TENT5C: variants seen among roughly 807,000 people sequenced by gnomAD.
TENT5C encodes the protein family with sequence similarity 46 member C.
TENT5C carries 5 observed loss-of-function variants against 22.2 expected under a neutral mutation model. The observed-to-expected ratio is 0.22, with a 90% CI of 0.12 to 0.47. The LOEUF is 0.47. Among genes scored for constraint, TENT5C ranks in the 20% least tolerant of loss-of-function variants. The pLI is 0.99. For synonymous variants in TENT5C, 199 were observed against 195.4 expected (o/e 1.02, Z -0.15); for missense variants, 364 against 500.9 (o/e 0.73, Z 2.61).
intron 1 of TENT5C, among the ~76,000 whole-genome samples, chr1:117,621,047 C>G (rs1416723056): frequency 6.6e-6 from 1 of 152,160 alleles, no homozygotes; most frequent in Non-Finnish European, 1.5e-5. Flanking sequence ...AACCAAATGC[C>G]AGTCACAGTA....
At chr1:117,606,749 C>G (rs1428560218) in intron 1 of TENT5C, among the ~76,000 whole-genome samples, 3 of 152,188 alleles carry the variant, frequency 2.0e-5, no homozygotes, top group Non-Finnish European at 4.4e-5. Context: ...TTCCTAGGCT[C>G]ATTGCCAAGT....
At chr1:117,606,809 A>G (rs1324857575) in intron 1 of TENT5C, among the ~76,000 whole-genome samples, 1 of 152,196 alleles carries the variant, frequency 6.6e-6, no homozygotes, top group African/African-American at 2.4e-5. Context: ...ATGCGCTCAC[A>G]TCAGACTGTG....
intron 1 of TENT5C, among the ~76,000 whole-genome samples, chr1:117,618,189 G>A (rs1469306980): frequency 1.3e-5 from 2 of 152,166 alleles, no homozygotes; most frequent in Admixed American, 6.5e-5. Context: ...CATGGAAGAT[G>A]CTAACCACAG....
chr1:117,613,651 T>G (rs570711773), intron 1 of TENT5C, among the ~76,000 whole-genome samples: 13 of 152,320 alleles, frequency 8.5e-5, no homozygotes, highest in Non-Finnish European at 1.5e-4. Flanking sequence ...TGGGTTTCAG[T>G]CCAGGGCTGC....
At chr1:117,618,095 G>A (rs984716958) in intron 1 of TENT5C, among the ~76,000 whole-genome samples, 6 of 152,206 alleles carry the variant, frequency 3.9e-5, no homozygotes, top group African/African-American at 1.4e-4. Context: ...CTTGGCATTT[G>A]TCATGTCCCA....
Position 117,622,955 on chromosome 1 carries a change from C to G in TENT5C, c.87C>G (p.Leu29=), listed in dbSNP as rs865443. The G allele has an allele frequency of 0.068, 109,989 of 1,614,050 alleles. 4,998 individuals carry two copies. The highest frequency in any genetic ancestry group is 0.22 in the African/African-American group (16,485 of 74,934). Residue 29 remains leucine (L), a synonymous_variant, in exon 2 of 2, where the codon CTC becomes CTG. Coordinates refer to ENST00000369448, the MANE Select transcript of TENT5C (RefSeq NM_017709.4). ...WDQVSRLHEV[L]TEVVPIHGRG... ...AGGTTAGCCGGCTGCATGAGGTCCT[C>G]ACTGAAGTTGTACCTATCCACGGAC...
At chr1:117,610,672 T>G (rs1415066042) in intron 1 of TENT5C, among the ~76,000 whole-genome samples, 1 of 152,116 alleles carries the variant, frequency 6.6e-6, no homozygotes, top group Non-Finnish European at 1.5e-5. Flanking sequence ...GGACTACAGG[T>G]GCACACCACC....
At chr1:117,619,653 G>A (rs1653853727) in intron 1 of TENT5C, among the ~76,000 whole-genome samples, 1 of 151,986 alleles carries the variant, frequency 6.6e-6, no homozygotes, top group African/African-American at 2.4e-5. Flanking sequence ...TACTCTTAGA[G>A]TTTCATGCTT....
rs1444347991 is a variant in TENT5C, at chr1:117,626,292, T to C, written c.*2248T>C. The C allele has an allele frequency of 3.6e-5, 9 of 247,860 alleles. No individual in the cohort carries two copies. The highest frequency in any genetic ancestry group is 3.6e-4 in the East Asian group (6 of 16,584). 15.4% of individuals were successfully genotyped at this position (247,860 alleles called of 1,614,324 possible). A position where few individuals can be genotyped will look rare whatever the true frequency, so the allele number is the denominator to read the frequency against. On this transcript the variant is annotated 3_prime_UTR_variant, in exon 2 of 2. Coordinates refer to ENST00000369448, the MANE Select transcript of TENT5C (RefSeq NM_017709.4). Reference sequence around the variant, plus strand: ...CTTGGGGTTCTTTCTGCTTATGTTTTTTCCCCCCCATCTGGTAATAGTCCT... The same window carrying C: ...CTTGGGGTTCTTTCTGCTTATGTTTCTTCCCCCCCATCTGGTAATAGTCCT...
chr1:117,626,033 A>C lies in TENT5C; in HGVS notation c.*1989A>C, dbSNP rs1019939095. ...AATGAAGAGTGATCCCAACTTTGGA[A>C]ACTATCTGGTCATTCATGACCTTAA... On this transcript the variant is annotated 3_prime_UTR_variant, in exon 2 of 2. Transcript: ENST00000369448. 6 of 247,920 alleles carry C rather than the reference A, an allele frequency of 2.4e-5. No individual in the cohort carries two copies. The highest frequency in any genetic ancestry group is 4.2e-5 in the Non-Finnish European group (5 of 118,054). The allele number at this position is 247,920 out of a possible 1,614,324, so 15.4% of individuals were successfully genotyped here.
At chr1:117,611,323 G>A (rs577253787) in intron 1 of TENT5C, among the ~76,000 whole-genome samples, 4 of 152,328 alleles carry the variant, frequency 2.6e-5, no homozygotes, top group South Asian at 2.1e-4. Flanking sequence ...AGCTAGCACC[G>A]CTGCTATCTC....
intron 1 of TENT5C, among the ~76,000 whole-genome samples, chr1:117,612,356 T>C (rs1182940434): frequency 6.6e-6 from 1 of 151,928 alleles, no homozygotes; most frequent in Non-Finnish European, 1.5e-5. Flanking sequence ...TCTTTTTTTT[T>C]TTTTTTATAG....
intron 1 of TENT5C, among the ~76,000 whole-genome samples, chr1:117,607,292 CA>C (rs1056773530): frequency 6.6e-6 from 1 of 152,132 alleles, no homozygotes; most frequent in Non-Finnish European, 1.5e-5. Flanking sequence ...CTTTTTTGTC[CA>C]TAGGTAGGCT....
intron 1 of TENT5C, among the ~76,000 whole-genome samples, chr1:117,615,993 G>A (rs920359473): frequency 3.9e-5 from 6 of 152,182 alleles, no homozygotes; most frequent in African/African-American, 1.4e-4. Context: ...TAATGGCTAT[G>A]AGAACTGGTG....
At chr1:117,618,258 C>T (rs1206010511) in intron 1 of TENT5C, among the ~76,000 whole-genome samples, 1 of 151,948 alleles carries the variant, frequency 6.6e-6, no homozygotes, top group Non-Finnish European at 1.5e-5. Flanking sequence ...AGCCAGCAAC[C>T]AACTTAACAG....
intron 1 of TENT5C, among the ~76,000 whole-genome samples, chr1:117,620,418 T>C (rs1653867870): frequency 6.6e-6 from 1 of 152,166 alleles, no homozygotes; most frequent in Non-Finnish European, 1.5e-5. Context: ...GCACAACAGG[T>C]GATTCACACT....
Position 117,627,847 on chromosome 1 carries a change from TG to T in TENT5C, c.*3804del. ...GTTAAGATCAGGAAATAAAAGACTG[TG>T]TGTGTGTGTGTGTGTGCGTGTGTGT... On this transcript the variant is annotated 3_prime_UTR_variant, in exon 2 of 2. Coordinates refer to ENST00000369448, the MANE Select transcript of TENT5C (RefSeq NM_017709.4). The T allele has an allele frequency of 6.8e-6, 1 of 146,632 alleles. No individual in the cohort carries two copies. The highest frequency in any genetic ancestry group is 2.9e-4 in the South Asian group (1 of 3,496). The allele number at this position is 146,632 out of a possible 1,614,324, so 9.1% of individuals were successfully genotyped here.
intron 1 of TENT5C, among the ~76,000 whole-genome samples, chr1:117,610,253 G>C (rs115790157): frequency 2.8e-4 from 42 of 152,162 alleles, no homozygotes; most frequent in African/African-American, 9.6e-4. Context: ...CCATCCAAGC[G>C]CACAGGGACT....
At chr1:117,618,076 C>T (rs759330557) in intron 1 of TENT5C, among the ~76,000 whole-genome samples, 32 of 152,186 alleles carry the variant, frequency 2.1e-4, no homozygotes, top group African/African-American at 6.3e-4. Context: ...TGAAAAACTA[C>T]GCCATGGACT....
Sources: gnomAD v4.1 joint callset for allele counts (sites outside exome capture counted in the v4.1 genomes callset) on GRCh38, gnomAD v4.1.1 for gene constraint, MANE v1.5 for transcripts, NCBI Gene and HGNC (gene_info 2026-07-23, HGNC 2026-07-21) for gene names.